TNS2: variants seen among roughly 807,000 people sequenced by gnomAD.
The protein encoded by TNS2 is tensin-2.
A neutral mutation model predicts 155.7 loss-of-function variants in TNS2; 77 were observed. That is an observed-to-expected ratio of 0.49 (90% CI 0.41 to 0.60). The LOEUF is 0.60. Among genes scored for constraint, TNS2 ranks in the 20% least tolerant of loss-of-function variants. The pLI is 0.00. For missense variants in TNS2, 1,703 were observed against 1,868.8 expected, an observed-to-expected ratio of 0.91 and a Z score of 1.64; for synonymous variants, 726 against 763.9, an observed-to-expected ratio of 0.95 and a Z score of 0.82.
At chr12:53,057,870 A>T in intron 13 of TNS2, 37 bp downstream of exon 13, 1 of 1,613,152 alleles carries the variant, frequency 6.2e-7, no homozygotes, top group Non-Finnish European at 8.5e-7. Context: ...ACACTTCATG[A>T]CCAGGGCCCC....
chr12:53,055,120 C>A, intron 7 of TNS2, 66 bp from the exon 8 acceptor site: 2 of 1,541,988 alleles, frequency 1.3e-6, no homozygotes, highest in Non-Finnish European at 1.8e-6. Flanking sequence ...TACTTAGGAT[C>A]CACCTCCACC....
At position 53,058,313 on chromosome 12, in the gene TNS2, C is replaced by T; in HGVS notation, c.1096-3C>T. Reference sequence around the variant, plus strand: ...GATCCGCAGCCTCCTGCCTTTCTCCCAGGTAACATGTTATCACAAGGGTGG... The same window carrying T: ...GATCCGCAGCCTCCTGCCTTTCTCCTAGGTAACATGTTATCACAAGGGTGG... On this transcript the variant is annotated splice_polypyrimidine_tract_variant and splice_region_variant and intron_variant, in intron 14 of 28. Transcript: ENST00000314250. The T allele has an allele frequency of 6.2e-7, 1 of 1,613,998 alleles. No individual in the cohort carries two copies. Among genetic ancestry groups the T allele is most frequent in the South Asian group, 1.1e-5 (1 of 91,068 alleles).
In TNS2 at chr12:53,062,702, A is replaced by C; in HGVS notation, c.3823+5A>C. 1 of 1,613,734 alleles carries C rather than the reference A, an allele frequency of 6.2e-7. No individual in the cohort carries two copies. The highest frequency in any genetic ancestry group is 1.3e-5 in the African/African-American group (1 of 75,006). ...ACCTCCTGCGTCAGGGTGCTGGTAGAGACTTCCCCTCCACTCCCCTCCCTC... is the reference window on the plus strand; with the variant it reads ...ACCTCCTGCGTCAGGGTGCTGGTAGCGACTTCCCCTCCACTCCCCTCCCTC... On this transcript the variant is annotated splice_donor_5th_base_variant and intron_variant, in intron 25 of 28. Transcript: ENST00000314250.
intron 22 of TNS2, 78 bp from the exon 23 acceptor site, chr12:53,062,075 C>T: frequency 2.5e-6 from 4 of 1,610,810 alleles, no homozygotes; most frequent in Non-Finnish European, 3.4e-6. Context: ...ACCTCAGCTG[C>T]TCGGGAAAGA....
Position 53,060,462 on chromosome 12 carries a change from G to C in TNS2, c.2675G>C (p.Arg892Pro). 6.2e-7 allele frequency: 1 copy of C among 1,613,668 alleles called. No homozygotes were observed. The highest frequency in any genetic ancestry group is 1.1e-5 in the South Asian group (1 of 91,082). ...CCCAGTGGGCACAGCACACTGCCTC[G>C]GTCTCCCCGAGATGCCCCATGCAGT... Reference protein sequence around the residue: ...EGPSGHSTLPRSPRDAPCSAS... With the variant: ...EGPSGHSTLPPSPRDAPCSAS... Residue 892 changes from arginine (R) to proline (P), a missense_variant, in exon 19 of 29, where the codon CGG becomes CCG. Transcript: ENST00000314250. The surrounding 1 kb of genome is among the most constrained non-coding windows in gnomAD (Gnocchi z 6.1).
rs199935015 is a variant in TNS2 at position 53,058,527 on chromosome 12, T to C, written c.1226-45T>C. 2.7e-4 allele frequency: 430 copies of C among 1,613,004 alleles called. 1 individual carries two copies. The highest frequency in any genetic ancestry group is 3.3e-4 in the Middle Eastern group (2 of 6,062). The stretch of plus-strand genomic sequence containing the variant: ...CAGGTGGCAGGCAGGCAGGAGAGTG[T>C]GGTATGGGCCAGGGGCCTGGTTCTT... On this transcript the variant is annotated intron_variant, in intron 15 of 28. Coordinates refer to ENST00000314250, the MANE Select transcript of TNS2 (RefSeq NM_170754.4).
rs1371179010 is a variant in TNS2 at position 53,059,422 on chromosome 12, G to A, written c.1781G>A (p.Cys594Tyr). ...CCTGGCCTCAGCCGCCACTGCTCCT[G>A]CCGCCAGGGCTACCGGGAGCCCTGC... ...HRPGLSRHCS[C>Y]RQGYREPCGV... Residue 594 changes from cysteine to tyrosine, a missense_variant, in exon 18 of 29, where the codon TGC becomes TAC. Physicochemically the swap from Cys to Tyr is radical, Grantham distance 194. Coordinates refer to ENST00000314250, the MANE Select transcript of TNS2 (RefSeq NM_170754.4). The surrounding 1 kb of genome is among the most constrained non-coding windows in gnomAD (Gnocchi z 4.7). The A allele has an allele frequency of 3.4e-6, 5 of 1,481,046 alleles. No individual in the cohort carries two copies. Among genetic ancestry groups the A allele is most frequent in the South Asian group, 2.8e-5 (2 of 71,556 alleles). The allele number at this position is 1,481,046 out of a possible 1,614,324, so 91.7% of individuals were successfully genotyped here.
rs770634318 is a variant in TNS2 at position 53,060,433 on chromosome 12, G to A, written c.2646G>A (p.Glu882=). The change falls in exon 19 of 29, where the codon GAG becomes GAA. Residue 882 remains glutamate (E), a synonymous_variant. Coordinates refer to ENST00000314250, the MANE Select transcript of TNS2 (RefSeq NM_170754.4). The surrounding 1 kb of genome is among the most constrained non-coding windows in gnomAD (Gnocchi z 6.1). The part of the protein sequence containing the change: ...AESLEPVSWR[E]GPSGHSTLPR... ...CGCTGGAGCCGGTGTCCTGGAGGGA[G>A]GGCCCCAGTGGGCACAGCACACTGC... 7 of 1,613,332 alleles carry A rather than the reference G, an allele frequency of 4.3e-6. No homozygotes were observed. The African/African-American group carries it at 6.7e-5, about 15-fold the overall frequency.
At chr12:53,061,514 G>A in intron 21 of TNS2, 45 bp downstream of exon 21, 1 of 1,600,398 alleles carries the variant, frequency 6.2e-7, no homozygotes, top group Non-Finnish European at 8.6e-7. Context: ...CCACCTTCCA[G>A]GGTGTCTGTC....
chr12:53,056,992 C>A (rs771873045), intron 10 of TNS2, 21 bp from the exon 11 acceptor site: 1 of 1,609,880 alleles, frequency 6.2e-7, no homozygotes. Context: ...TAATCCCCAA[C>A]ACTGGCCTTG....
rs752610367 is a variant in TNS2, at chr12:53,061,796, G to A, written c.3449-19G>A. On this transcript the variant is annotated intron_variant, in intron 21 of 28. Coordinates refer to ENST00000314250, the MANE Select transcript of TNS2 (RefSeq NM_170754.4). ...CTGTGAAAACTCCTCCCCACTGCCCGCTACCCCTCACCCTGCAGCCATTGC... is the reference window on the plus strand; with the variant it reads ...CTGTGAAAACTCCTCCCCACTGCCCACTACCCCTCACCCTGCAGCCATTGC... 41 of 1,605,820 alleles carry A rather than the reference G, an allele frequency of 2.6e-5. No homozygotes were observed. In the East Asian group the frequency reaches 4.7e-4, roughly 18 times the overall value.
At chr12:53,057,910 C>T (rs1719744773) in intron 13 of TNS2, 77 bp downstream of exon 13, 2 of 1,609,970 alleles carry the variant, frequency 1.2e-6, no homozygotes, top group Non-Finnish European at 1.7e-6. Flanking sequence ...CTTCTCCAGC[C>T]TCCCTAGACA....
chr12:53,048,309 G>A (rs1458156820), upstream of TNS2, among the ~76,000 whole-genome samples: 3 of 152,230 alleles, frequency 2.0e-5, no homozygotes, highest in African/African-American at 4.8e-5. Flanking sequence ...CAGTGAAGGT[G>A]AGAGGATGTC....
chr12:53,059,411 C>G lies in TNS2; in HGVS notation c.1770C>G (p.Arg590=). 1 of 1,476,430 alleles carries G rather than the reference C, an allele frequency of 6.8e-7. No individual in the cohort carries two copies. Among genetic ancestry groups the G allele is most frequent in the East Asian group, 2.4e-5 (1 of 41,056 alleles). The allele number at this position is 1,476,430 out of a possible 1,614,324, so 91.5% of individuals were successfully genotyped here. The change falls in exon 18 of 29, where the codon CGC becomes CGG. Residue 590 remains arginine, a synonymous_variant. Transcript: ENST00000314250. The surrounding 1 kb of genome is among the most constrained non-coding windows in gnomAD (Gnocchi z 4.7). ...VYPGHRPGLS[R]HCSCRQGYRE... ...CAGGCCATAGGCCTGGCCTCAGCCGCCACTGCTCCTGCCGCCAGGGCTACC... is the reference window on the plus strand; with the variant it reads ...CAGGCCATAGGCCTGGCCTCAGCCGGCACTGCTCCTGCCGCCAGGGCTACC...
upstream of TNS2, chr12:53,049,857 G>A: frequency 2.5e-6 from 1 of 400,788 alleles, no homozygotes; most frequent in South Asian, 2.1e-5. Context: ...GGAGAGTGTG[G>A]TGTCCCAGGT....
rs747408520 is a variant in TNS2 at position 53,059,639 on chromosome 12, T to G, written c.1998T>G (p.Phe666Leu). The G allele has an allele frequency of 6.2e-7, 1 of 1,613,198 alleles. No homozygotes were observed. The highest frequency in any genetic ancestry group is 2.2e-5 in the East Asian group (1 of 44,872). Reference sequence around the variant, plus strand: ...TGGGGAAACCAGCCACTGGGGACTTTGGCTACCGCGCCCCAGGCTACCGGG... The same window carrying G: ...TGGGGAAACCAGCCACTGGGGACTTGGGCTACCGCGCCCCAGGCTACCGGG... ...PEMGKPATGD[F>L]GYRAPGYREV... is the part of the protein sequence containing the mutation. Residue 666 changes from phenylalanine (F) to leucine (L), a missense_variant, in exon 18 of 29, where the codon TTT becomes TTG. Coordinates refer to ENST00000314250, the MANE Select transcript of TNS2 (RefSeq NM_170754.4). The surrounding 1 kb of genome is among the most constrained non-coding windows in gnomAD (Gnocchi z 4.7).
At chr12:53,047,467 C>T (rs1330705155), upstream of TNS2, among the ~76,000 whole-genome samples, 1 of 136,558 alleles carries the variant, frequency 7.3e-6, no homozygotes, top group African/African-American at 2.6e-5. Flanking sequence ...GCGGGGCCGC[C>T]GGAGGTCGAG....
At chr12:53,049,090 T>TCC, upstream of TNS2, 7 of 1,373,520 alleles carry the variant, frequency 5.1e-6, no homozygotes, top group Non-Finnish European at 7.0e-6. Flanking sequence ...CCTCCCTCCC[T>TCC]TGACTCCCAG....
At position 53,053,801 on chromosome 12, in the gene TNS2, A is replaced by G; in HGVS notation, c.289A>G (p.Ile97Val). ...GCGAAACACGGCCCCAGTCAGGCGCATAGAGCACCTGGTAAGGTGATGCTG... is the reference window on the plus strand; with the variant it reads ...GCGAAACACGGCCCCAGTCAGGCGCGTAGAGCACCTGGTAAGGTGATGCTG... ...LRRNTAPVRR[I>V]EHLGSTKSLN... The change falls in exon 5 of 29, where the codon ATA becomes GTA. Residue 97 changes from isoleucine (I) to valine (V), a missense_variant. By Grantham distance (29) the Ile-to-Val change is conservative. Coordinates refer to ENST00000314250, the MANE Select transcript of TNS2 (RefSeq NM_170754.4). 6.2e-7 allele frequency: 1 copy of G among 1,612,514 alleles called. No individual in the cohort carries two copies. Among genetic ancestry groups the G allele is most frequent in the Non-Finnish European group, 8.5e-7 (1 of 1,179,424 alleles).
Sources: gnomAD v4.1 joint callset for allele counts (sites outside exome capture counted in the v4.1 genomes callset) on GRCh38, gnomAD v4.1.1 for gene constraint, Gnocchi (gnomAD v3.1) non-coding constraint, MANE v1.5 for transcripts, NCBI Gene and HGNC (gene_info 2026-07-23, HGNC 2026-07-21) for gene names.